PRKCZ: variants seen among roughly 807,000 people sequenced by gnomAD.
PRKCZ encodes the protein protein kinase C zeta type.
In PRKCZ, 33 loss-of-function variants were observed where a neutral mutation model predicts 79.5. That is an observed-to-expected ratio of 0.41 (90% CI 0.31 to 0.55). PRKCZ has a LOEUF of 0.55. PRKCZ is among the 20% of genes least tolerant of loss of function. The pLI is 0.19. For missense variants in PRKCZ, 578 were observed against 813.5 expected (o/e 0.71, Z 3.52); for synonymous variants, 342 against 320.9 (o/e 1.07, Z -0.70).
intron 7 of PRKCZ, among the ~76,000 whole-genome samples, chr1:2,148,641 A>C (rs1679218211): frequency 6.6e-6 from 1 of 152,188 alleles, no homozygotes; most frequent in African/African-American, 2.4e-5. Flanking sequence ...ACCCCTGGGG[A>C]CGTATGTCAC....
chr1:2,098,266 T>C (rs1263979678), intron 4 of PRKCZ: 1 of 152,222 alleles, frequency 6.6e-6, no homozygotes, highest in African/African-American at 2.4e-5. Flanking sequence ...ACATTGCTTC[T>C]TTGGAGAGGA....
intron 4 of PRKCZ, chr1:2,074,683 T>C (rs1478153439): frequency 3.4e-6 from 1 of 294,476 alleles, no homozygotes; most frequent in Non-Finnish European, 6.4e-6. Context: ...AGGGTTAATG[T>C]GCACGGCTCA....
chr1:2,059,425 C>T (rs1246753117), intron 3 of PRKCZ, 116 bp from the exon 4 acceptor site: 23 of 1,263,538 alleles, frequency 1.8e-5, no homozygotes, highest in Middle Eastern at 2.3e-4. Flanking sequence ...GGCAGTGCCA[C>T]GTGCGCCTTG....
intron 16 of PRKCZ, among the ~76,000 whole-genome samples, chr1:2,176,873 C>G (rs1472741043): frequency 2.0e-5 from 3 of 152,246 alleles, no homozygotes; most frequent in Non-Finnish European, 4.4e-5. Context: ...CCTTCCAGAG[C>G]CCAGCTGGGC....
In PRKCZ at chr1:2,082,582, G is replaced by A; in HGVS notation, c.334+22991G>A. ...GATTTGTCACTCAGTCGATTTCCCTGGTGTAAATGCTCCCACCACGGCCGA... is the reference window on the plus strand; with the variant it reads ...GATTTGTCACTCAGTCGATTTCCCTAGTGTAAATGCTCCCACCACGGCCGA... On this transcript the variant is annotated intron_variant, in intron 4 of 17. Transcript: ENST00000378567. This position sits in a 1 kb window ranked among gnomAD's most constrained non-coding sequence, Gnocchi z 4.4. 1 of 374,210 alleles carries A rather than the reference G, an allele frequency of 2.7e-6. No individual in the cohort carries two copies. Among genetic ancestry groups the A allele is most frequent in the Non-Finnish European group, 5.3e-6 (1 of 189,772 alleles). 23.2% of individuals were successfully genotyped at this position (374,210 alleles called of 1,614,324 possible).
In PRKCZ at chr1:2,184,616, C is replaced by T; in HGVS notation, c.1609C>T (p.Pro537Ser). The change falls in exon 17 of 18, where the codon CCA (proline) becomes TCA (serine). Residue 537 changes from proline (P) to serine (S), a missense_variant. This residue lies in a region of PRKCZ where 243 missense variants were observed against 467.0 expected (regional missense o/e 0.52). Transcript: ENST00000378567. ...GAAGCAGGCGCTCCCTCCATTCCAG[C>T]CACAGATCACAGACGACTACGGTCT... ...EKKQALPPFQ[P>S]QITDDYGLDN... The T allele has an allele frequency of 6.2e-7, 1 of 1,614,070 alleles. No individual in the cohort carries two copies. Among genetic ancestry groups the T allele is most frequent in the South Asian group, 1.1e-5 (1 of 91,076 alleles).
intron 1 of PRKCZ, chr1:2,050,922 G>C (rs953714940): frequency 7.3e-4 from 269 of 370,768 alleles, no homozygotes; most frequent in South Asian, 2.9e-4. Flanking sequence ...GTTTCCCTGG[G>C]GTCGGCCCCG....
At chr1:2,053,185 T>C (rs1488230048) in intron 1 of PRKCZ, among the ~76,000 whole-genome samples, 1 of 151,664 alleles carries the variant, frequency 6.6e-6, no homozygotes, top group Non-Finnish European at 1.5e-5. Context: ...ACTGTATCCT[T>C]CACCTCCGAG....
intron 9 of PRKCZ, among the ~76,000 whole-genome samples, chr1:2,155,733 G>A (rs536077890): frequency 6.7e-6 from 1 of 149,656 alleles, no homozygotes; most frequent in East Asian, 2.0e-4. Context: ...ATAGTGGGGG[G>A]TGGGGGTAGG....
chr1:2,060,296 T>TC (rs1221645944), intron 4 of PRKCZ, among the ~76,000 whole-genome samples: 1 of 152,136 alleles, frequency 6.6e-6, no homozygotes, highest in Non-Finnish European at 1.5e-5. Context: ...AGGCAGGGCT[T>TC]CCCCCACCCC....
chr1:2,094,481 C>T lies in PRKCZ; in HGVS notation c.334+34890C>T, dbSNP rs1028288460. On this transcript the variant is annotated intron_variant, in intron 4 of 17. Transcript: ENST00000378567. This position sits in a 1 kb window ranked among gnomAD's most constrained non-coding sequence, Gnocchi z 7.3. ...GGCTCGTTGAACCTTGGGCGCTGCC[C>T]GTTCTGAGGCGCCCTCTGTGCCCGG... 4.4e-4 allele frequency among the ~76,000 whole-genome samples: 63 copies of T among 144,164 alleles called. No individual in the cohort carries two copies. Among genetic ancestry groups the T allele is most frequent in the Non-Finnish European group, 5.7e-4 (38 of 66,124 alleles). 94.6% of individuals were successfully genotyped at this position (144,164 alleles called of 152,430 possible). A position where few individuals can be genotyped will look rare whatever the true frequency, so the allele number is the denominator to read the frequency against.
chr1:2,104,674 G>T, intron 4 of PRKCZ: 1 of 985,772 alleles, frequency 1.0e-6, no homozygotes, highest in Non-Finnish European at 1.2e-6. Flanking sequence ...TGGGGACTGG[G>T]AGGAGAGAGG....
At chr1:2,051,505 C>T (rs557085398) in intron 1 of PRKCZ, among the ~76,000 whole-genome samples, 1 of 152,224 alleles carries the variant, frequency 6.6e-6, no homozygotes, top group Non-Finnish European at 1.5e-5. Context: ...GAACTGGGAC[C>T]TCCGCTCCCG....
chr1:2,096,354 C>T (rs1414845949), intron 4 of PRKCZ, among the ~76,000 whole-genome samples: 5 of 152,100 alleles, frequency 3.3e-5, no homozygotes, highest in Admixed American at 2.6e-4. Context: ...GAGGCCCAGC[C>T]GCCAGGCAGC....
At position 2,055,294 on chromosome 1, in the gene PRKCZ, T is replaced by TG. The variant is rs70937055; in HGVS notation, c.72-144dup. The TG allele has an allele frequency of 3.8e-5, 33 of 858,478 alleles. No homozygotes were observed. The African/African-American group carries it at 1.1e-3, about 30-fold the overall frequency. The allele number at this position is 858,478 out of a possible 1,614,324, so 53.2% of individuals were successfully genotyped here. A position where few individuals can be genotyped will look rare whatever the true frequency, so the allele number is the denominator to read the frequency against. ...ATGGTTAATGGTTCTATTTTGTGTG[T>TG]GGGAGGGGGGAGGGGGTGGGGCTGT... is the stretch of plus-strand genomic sequence containing the variant. On this transcript the variant is annotated intron_variant, in intron 1 of 17. Transcript: ENST00000378567.
chr1:2,145,419 A>G, intron 6 of PRKCZ: 1 of 152,426 alleles, frequency 6.6e-6, no homozygotes, highest in South Asian at 2.1e-4. Flanking sequence ...GAGATGACCA[A>G]GCATTGTGCA....
rs773044939 is a variant in PRKCZ at position 2,144,305 on chromosome 1, C to T, written c.516C>T (p.Cys172=). 71 of 1,574,306 alleles carry T rather than the reference C, an allele frequency of 4.5e-5. 2 individuals are homozygous for T. The South Asian group carries it at 8.1e-4, about 18-fold the overall frequency. The change falls in exon 6 of 18, where the codon TGC becomes TGT. Residue 172 remains cysteine (C), a synonymous_variant. Transcript: ENST00000378567. ...INCKLLVHKR[C]HGLVPLTCRK... The stretch of plus-strand genomic sequence containing the variant: ...GCAAACTGCTGGTCCATAAGCGCTG[C>T]CACGGCCTCGTCCCGCTGACCTGCA...
At chr1:2,171,688 C>T (rs919309993) in intron 11 of PRKCZ, 9 of 192,118 alleles carry the variant, frequency 4.7e-5, no homozygotes, top group Non-Finnish European at 7.5e-5. Context: ...TTTTCGAGGA[C>T]CTGCCGGACT....
At chr1:2,150,140 C>CT (rs1679569343) in intron 8 of PRKCZ, among the ~76,000 whole-genome samples, 1 of 136,892 alleles carries the variant, frequency 7.3e-6, no homozygotes, top group Non-Finnish European at 1.5e-5. Flanking sequence ...CCAGCCTGGG[C>CT]GACAGAGCCA....
Sources: allele counts gnomAD v4.1 joint callset (sites outside exome capture counted in the v4.1 genomes callset), GRCh38; gene constraint gnomAD v4.1.1; regional missense constraint gnomAD v4.1.1; non-coding constraint Gnocchi (gnomAD v3.1); transcripts MANE v1.5; gene names NCBI Gene and HGNC (gene_info 2026-07-23, HGNC 2026-07-21).